The following SUGCT variants were observed in gnomAD, a reference collection of about 807,000 sequenced individuals.
SUGCT encodes the protein succinyl-CoA:glutarate-CoA transferase.
In SUGCT, 41 loss-of-function variants were observed where a neutral mutation model predicts 55.0. The observed-to-expected ratio is 0.74, with a 90% CI of 0.58 to 0.97. The LOEUF (loss-of-function observed/expected upper bound fraction) is 0.97, where lower values mean the gene tolerates loss of function less well. Ranked by LOEUF, SUGCT falls within the 50% of genes least tolerant of loss-of-function variation. The pLI is 0.00. For synonymous variants in SUGCT, 187 were observed against 200.4 expected (o/e 0.93, Z 0.56); for missense variants, 568 against 547.8 (o/e 1.04, Z -0.37).
intron 13 of SUGCT, among the ~76,000 whole-genome samples, chr7:40,843,044 T>C (rs732890): frequency 0.22 from 33,885 of 152,130 alleles, 4,870 homozygotes; most frequent in East Asian, 0.8. Flanking sequence ...AATCAGTCCC[T>C]CATTCACTCC....
At chr7:40,386,977 G>A (rs1263604134) in intron 9 of SUGCT, among the ~76,000 whole-genome samples, 1 of 152,058 alleles carries the variant, frequency 6.6e-6, no homozygotes. Flanking sequence ...CCAATGCAGT[G>A]GCTTCTTTTT....
At chr7:40,163,811 T>C (rs1354243997) in intron 1 of SUGCT, among the ~76,000 whole-genome samples, 1 of 151,926 alleles carries the variant, frequency 6.6e-6, no homozygotes, top group Non-Finnish European at 1.5e-5. Context: ...ATTTTCTTAA[T>C]TTTTTGAATT....
intron 12 of SUGCT, among the ~76,000 whole-genome samples, chr7:40,528,973 A>G (rs908361740): frequency 6.6e-6 from 1 of 152,192 alleles, no homozygotes; most frequent in African/African-American, 2.4e-5. Flanking sequence ...ATATTATGGT[A>G]TTCTTACAAA....
At position 40,617,473 on chromosome 7, in the gene SUGCT, A is replaced by ATG. The variant is rs1437309315; in HGVS notation, c.1089+121088_1089+121089insGT. 1.8e-3 allele frequency among the ~76,000 whole-genome samples: 244 copies of ATG among 133,476 alleles called. 1 individual carries two copies. Among genetic ancestry groups the ATG allele is most frequent in the African/African-American group, 7.4e-3 (233 of 31,510 alleles). The allele number at this position is 133,476 out of a possible 152,430, so 87.6% of individuals were successfully genotyped here. A position where few individuals can be genotyped will look rare whatever the true frequency, so the allele number is the denominator to read the frequency against. ...AATTCTGATTCAACTGGTTAGATTT[A>ATG]TATGTGTGTGTGTGTGTGTGTGTGT... On this transcript the variant is annotated intron_variant, in intron 12 of 13. Coordinates refer to ENST00000335693, the MANE Select transcript of SUGCT (RefSeq NM_001193313.2).
At chr7:40,900,298 G>T in the SUGCT span, among the ~76,000 whole-genome samples, 2 of 152,224 alleles carry the variant, frequency 1.3e-5, no homozygotes, top group South Asian at 4.1e-4. Flanking sequence ...GCATGACCAA[G>T]ATTTTGAATT....
At chr7:40,980,859 G>A in the SUGCT span, among the ~76,000 whole-genome samples, 1 of 152,094 alleles carries the variant, frequency 6.6e-6, no homozygotes, top group Admixed American at 6.6e-5. Flanking sequence ...ACCAAGCCAG[G>A]CTAAGTTTTT....
At position 40,811,194 on chromosome 7, in the gene SUGCT, A is replaced by T. The variant is rs975753609; in HGVS notation, c.1154-49122A>T. 2.0e-5 allele frequency among the ~76,000 whole-genome samples: 3 copies of T among 152,184 alleles called. No individual in the cohort carries two copies. The East Asian group carries it at 5.8e-4, about 29-fold the overall frequency. On this transcript the variant is annotated intron_variant, in intron 13 of 13. Coordinates refer to ENST00000335693, the MANE Select transcript of SUGCT (RefSeq NM_001193313.2). ...CTTATAATATAGTTTGAAGTCACGTAATGTGATGCCTCCAGCTTTGTTCCT... is the reference window on the plus strand; with the variant it reads ...CTTATAATATAGTTTGAAGTCACGTTATGTGATGCCTCCAGCTTTGTTCCT...
At chr7:40,451,047 G>A (rs1244109957) in intron 10 of SUGCT, among the ~76,000 whole-genome samples, 1 of 152,060 alleles carries the variant, frequency 6.6e-6, no homozygotes, top group African/African-American at 2.4e-5. Flanking sequence ...TCAAACATTT[G>A]ATCTGGGATC....
intron 13 of SUGCT, among the ~76,000 whole-genome samples, chr7:40,833,811 A>C (rs988272559): frequency 3.3e-5 from 5 of 152,234 alleles, no homozygotes; most frequent in Admixed American, 6.5e-5. Context: ...CTCCCACAGC[A>C]AGTTCAAAGA....
At chr7:40,426,598 C>G (rs1237404478) in intron 9 of SUGCT, among the ~76,000 whole-genome samples, 1 of 152,134 alleles carries the variant, frequency 6.6e-6, no homozygotes, top group Non-Finnish European at 1.5e-5. Context: ...ACTTTTACAT[C>G]ACCGAAGGTG....
intron 12 of SUGCT, among the ~76,000 whole-genome samples, chr7:40,568,946 C>T (rs1796290857): frequency 6.6e-6 from 1 of 152,080 alleles, no homozygotes. Context: ...AGTTCATTGT[C>T]CTTTTTGAGC....
intron 12 of SUGCT, among the ~76,000 whole-genome samples, chr7:40,527,294 T>C (rs1793850361): frequency 6.6e-6 from 1 of 152,198 alleles, no homozygotes; most frequent in African/African-American, 2.4e-5. Flanking sequence ...TACAGGTTGG[T>C]TTATAAAAAG....
At chr7:40,278,020 A>G (rs1792655213) in intron 8 of SUGCT, among the ~76,000 whole-genome samples, 1 of 152,126 alleles carries the variant, frequency 6.6e-6, no homozygotes, top group South Asian at 2.1e-4. Flanking sequence ...ACATGAACTC[A>G]TCATTTTTTA....
At chr7:40,136,923 A>T (rs1787726294) in intron 1 of SUGCT, among the ~76,000 whole-genome samples, 1 of 151,792 alleles carries the variant, frequency 6.6e-6, no homozygotes, top group Non-Finnish European at 1.5e-5. Context: ...GAGTCCTAGG[A>T]GGTTGAAGCT....
chr7:40,507,330 T>G (rs1222578005), intron 12 of SUGCT, among the ~76,000 whole-genome samples: 1 of 152,190 alleles, frequency 6.6e-6, no homozygotes, highest in Non-Finnish European at 1.5e-5. Context: ...TCTGCCACCT[T>G]GGGGTAGGAG....
chr7:40,926,511 T>C, the SUGCT span, among the ~76,000 whole-genome samples: 4 of 152,264 alleles, frequency 2.6e-5, no homozygotes, highest in South Asian at 8.3e-4. Flanking sequence ...TAGTTTGCTT[T>C]GTGTAATGGA....
intron 7 of SUGCT, among the ~76,000 whole-genome samples, chr7:40,268,128 T>C (rs934093292): frequency 1.0e-3 from 153 of 152,334 alleles, no homozygotes; most frequent in Non-Finnish European, 8.1e-4. Context: ...ACTGTACAAC[T>C]CACCCATTTA....
intron 12 of SUGCT, among the ~76,000 whole-genome samples, chr7:40,665,102 A>G (rs1801547333): frequency 1.3e-5 from 2 of 152,072 alleles, no homozygotes; most frequent in South Asian, 2.1e-4. Flanking sequence ...ATATAGATAC[A>G]TAAGGCTGGG....
chr7:40,683,926 T>A (rs1784358656), intron 12 of SUGCT: 4 of 1,332,738 alleles, frequency 3.0e-6, no homozygotes, highest in African/African-American at 1.5e-5. Flanking sequence ...ATCAAGGTGC[T>A]GGCAGATGTA....
Sources: allele counts gnomAD v4.1 joint callset (sites outside exome capture counted in the v4.1 genomes callset), GRCh38; gene constraint gnomAD v4.1.1; transcripts MANE v1.5; gene names NCBI Gene and HGNC (gene_info 2026-07-23, HGNC 2026-07-21).